Variants in SCG5 observed in about 807,000 individuals in gnomAD.
SCG5 encodes secretogranin V.
SCG5 carries 18 observed loss-of-function variants against 25.7 expected under a neutral mutation model. The ratio of observed to expected loss-of-function variants is 0.70; its 90% CI spans 0.48 to 1.04. The LOEUF is 1.04. SCG5 is among the 50% of genes least tolerant of loss of function. The pLI is 0.00. For missense variants in SCG5, 206 were observed against 259.8 expected (o/e 0.79, Z 1.42); for synonymous variants, 101 against 91.7 (o/e 1.10, Z -0.58).
intron 2 of SCG5, among the ~76,000 whole-genome samples, chr15:32,662,464 C>T (rs1027360731): frequency 3.3e-5 from 5 of 149,298 alleles, no homozygotes; most frequent in Non-Finnish European, 5.9e-5. Context: ...AACAGAACAT[C>T]TCTTCCTATT....
chr15:32,668,420 C>T (rs1230278529), intron 2 of SCG5, among the ~76,000 whole-genome samples: 1 of 152,198 alleles, frequency 6.6e-6, no homozygotes, highest in Non-Finnish European at 1.5e-5. Context: ...GATGGAGTCT[C>T]CTCGTTTTAG....
intron 2 of SCG5, among the ~76,000 whole-genome samples, chr15:32,667,964 C>T (rs563114162): frequency 1.1e-4 from 17 of 152,242 alleles, no homozygotes; most frequent in African/African-American, 3.4e-4. Flanking sequence ...CATGAGCCAC[C>T]GGACCCACTT....
At chr15:32,690,496 C>G (rs985513902) in intron 4 of SCG5, among the ~76,000 whole-genome samples, 1 of 152,164 alleles carries the variant, frequency 6.6e-6, no homozygotes, top group Non-Finnish European at 1.5e-5. Context: ...TTCTCCCTTC[C>G]GATATTAAAT....
At chr15:32,678,325 C>T (rs2054563745) in intron 2 of SCG5, among the ~76,000 whole-genome samples, 1 of 152,114 alleles carries the variant, frequency 6.6e-6, no homozygotes, top group Admixed American at 6.5e-5. Flanking sequence ...GGCCTTGCAT[C>T]TTTATTATGT....
At chr15:32,674,989 A>G (rs967380347) in intron 2 of SCG5, among the ~76,000 whole-genome samples, 1 of 152,230 alleles carries the variant, frequency 6.6e-6, no homozygotes, top group Admixed American at 6.5e-5. Context: ...CTTTATTGCC[A>G]TGGCAATACA....
chr15:32,657,211 ATG>A (rs1220018091), intron 2 of SCG5, among the ~76,000 whole-genome samples: 1 of 102,490 alleles, frequency 9.8e-6, no homozygotes, highest in South Asian at 3.5e-4. Context: ...ATATATATAT[ATG>A]TATGTATTTC....
chr15:32,666,814 C>T (rs553175494), intron 2 of SCG5, among the ~76,000 whole-genome samples: 8 of 152,314 alleles, frequency 5.3e-5, no homozygotes, highest in African/African-American at 1.9e-4. Context: ...TGAGGTCATA[C>T]AGCTAAGGTG....
At chr15:32,675,182 A>G (rs908197130) in intron 2 of SCG5, among the ~76,000 whole-genome samples, 9 of 152,258 alleles carry the variant, frequency 5.9e-5, no homozygotes, top group Admixed American at 4.6e-4. Flanking sequence ...TGGTGGAAAC[A>G]TAAATAAAGC....
chr15:32,654,065 G>A (rs944529978), intron 2 of SCG5, among the ~76,000 whole-genome samples: 1 of 152,210 alleles, frequency 6.6e-6, no homozygotes, highest in African/African-American at 2.4e-5. Context: ...ACTGGAGGCA[G>A]GCAAGGAGGG....
At position 32,667,392 on chromosome 15, in the gene SCG5, C is replaced by G. The variant is rs966183357; in HGVS notation, c.227-12374C>G. Among the ~76,000 whole-genome samples the G allele has an allele frequency of 2.6e-5, 4 of 152,182 alleles. No homozygotes were observed. The South Asian group carries it at 8.3e-4, about 32-fold the overall frequency. ...TTGAGTTATGTGTGCTTTCTTCACC[C>G]GTTTTACCATGTGTGGGTAAGAGAC... On this transcript the variant is annotated intron_variant, in intron 2 of 5. Coordinates refer to ENST00000300175, the MANE Select transcript of SCG5 (RefSeq NM_001144757.3).
intron 4 of SCG5, among the ~76,000 whole-genome samples, chr15:32,685,819 A>T (rs1208711386): frequency 6.6e-6 from 1 of 152,224 alleles, no homozygotes; most frequent in Non-Finnish European, 1.5e-5. Flanking sequence ...CTGTGGAATG[A>T]ATGAGTGAGT....
intron 2 of SCG5, among the ~76,000 whole-genome samples, chr15:32,654,916 A>T (rs970137578): frequency 1.3e-5 from 2 of 152,170 alleles, no homozygotes; most frequent in African/African-American, 4.8e-5. Flanking sequence ...GCAACATGTA[A>T]ATATATCTGG....
At chr15:32,696,133 T>C (rs1237834571) in intron 5 of SCG5, among the ~76,000 whole-genome samples, 2 of 152,130 alleles carry the variant, frequency 1.3e-5, no homozygotes, top group Non-Finnish European at 2.9e-5. Context: ...TTCTTTTTTT[T>C]TTGAGACAAA....
chr15:32,663,986 A>G (rs1256500652), intron 2 of SCG5, among the ~76,000 whole-genome samples: 1 of 131,364 alleles, frequency 7.6e-6, no homozygotes, highest in East Asian at 2.6e-4. Context: ...TTTAGCTGGA[A>G]AATATCTCCC....
intron 2 of SCG5, among the ~76,000 whole-genome samples, chr15:32,664,679 GC>G (rs1264011082): frequency 6.6e-6 from 1 of 152,224 alleles, no homozygotes; most frequent in African/African-American, 2.4e-5. Context: ...ACCTCCAGGA[GC>G]AGTAATAAAG....
At chr15:32,665,747 G>A (rs563694758) in intron 2 of SCG5, 1 of 152,304 alleles carries the variant, frequency 6.6e-6, no homozygotes, top group South Asian at 2.1e-4. Context: ...AGGGTTTGCA[G>A]TATCTCCTTC....
intron 2 of SCG5, among the ~76,000 whole-genome samples, chr15:32,659,036 C>T (rs963893408): frequency 5.9e-5 from 9 of 152,232 alleles, no homozygotes; most frequent in South Asian, 4.1e-4. Flanking sequence ...ATTAGCTGGG[C>T]ATGGTGGCGG....
intron 2 of SCG5, among the ~76,000 whole-genome samples, chr15:32,669,773 TG>T (rs527471815): frequency 1.3e-5 from 2 of 151,844 alleles, no homozygotes; most frequent in African/African-American, 4.8e-5. Context: ...TTAGAGGGGG[TG>T]GGGTTTGTGG....
chr15:32,689,100 G>A (rs1013357112), intron 4 of SCG5, among the ~76,000 whole-genome samples: 2 of 152,000 alleles, frequency 1.3e-5, no homozygotes, highest in African/African-American at 4.8e-5. Flanking sequence ...AATGATGATA[G>A]CTGCAAAATG....
Sources: allele counts gnomAD v4.1 joint callset (sites outside exome capture counted in the v4.1 genomes callset), GRCh38; gene constraint gnomAD v4.1.1; transcripts MANE v1.5; gene names NCBI Gene and HGNC (gene_info 2026-07-23, HGNC 2026-07-21).